Variants in IFNA16 observed in about 807,000 individuals in gnomAD.
The protein encoded by IFNA16 is interferon alpha 16, also known as interferon alpha-16.
For missense variants in IFNA16, 332 were observed against 213.5 expected (o/e 1.55, Z -3.46); for synonymous variants, 122 against 83.3 (o/e 1.46, Z -2.53).
In IFNA16 at chr9:21,216,655, G is replaced by T. The variant is rs1818456234; in HGVS notation, c.*81C>A. The T allele has an allele frequency of 4.5e-6, 7 of 1,547,802 alleles. No individual in the cohort carries two copies. Among genetic ancestry groups the T allele is most frequent in the Non-Finnish European group, 5.2e-6 (6 of 1,146,874 alleles). ...TTCAACTTGTGGTGGTTATAGAAGTGAGTCTTTGAAATGGAAGAACTCATG... is the reference window on the plus strand; with the variant it reads ...TTCAACTTGTGGTGGTTATAGAAGTTAGTCTTTGAAATGGAAGAACTCATG... On this transcript the variant is annotated 3_prime_UTR_variant, in exon 1 of 1. Coordinates refer to ENST00000380216, the MANE Select transcript of IFNA16 (RefSeq NM_002173.3).
rs562288583 is a variant in IFNA16, at chr9:21,217,260, A to T, written c.46T>A (p.Tyr16Asn). ...CAGCCCAGAGAACAGATGGATTTGT[A>T]GCTGAGCACCAGCACGGCCATCAGT... Reference protein sequence around the residue: ...SLLMAVLVLSYKSICSLGCDL... With the variant: ...SLLMAVLVLSNKSICSLGCDL... Residue 16 changes from tyrosine (Y) to asparagine (N), a missense_variant, in exon 1 of 1, where the codon TAC becomes AAC. Physicochemically the swap from Tyr to Asn is moderately radical, Grantham distance 143. Coordinates refer to ENST00000380216, the MANE Select transcript of IFNA16 (RefSeq NM_002173.3). 2.7e-4 allele frequency: 433 copies of T among 1,613,894 alleles called. 2 individuals are homozygous for T. In the South Asian group the frequency reaches 3.0e-3, roughly 11 times the overall value.
chr9:21,216,733 T>A lies in IFNA16; in HGVS notation c.*3A>T, dbSNP rs777294878. The A allele has an allele frequency of 1.4e-5, 23 of 1,612,602 alleles. No homozygotes were observed. The highest frequency in any genetic ancestry group is 1.8e-5 in the Non-Finnish European group (21 of 1,179,478). On this transcript the variant is annotated 3_prime_UTR_variant, in exon 1 of 1. Coordinates refer to ENST00000380216, the MANE Select transcript of IFNA16 (RefSeq NM_002173.3). Reference sequence around the variant, plus strand: ...GAGGATCATTTCCATGTTGAATGAGTTTTCAATCCTTCCTTCTTAATCCTT... The same window carrying A: ...GAGGATCATTTCCATGTTGAATGAGATTTCAATCCTTCCTTCTTAATCCTT...
rs1010784467 is a variant in IFNA16, at chr9:21,216,878, A to C, written c.428T>G (p.Val143Gly). ...AGTGATTCTTTGAAAGTATTTCCTCACAGCCAGGATGGAGTCCTCATTCAT... is the reference window on the plus strand; with the variant it reads ...AGTGATTCTTTGAAAGTATTTCCTCCCAGCCAGGATGGAGTCCTCATTCAT... ...ALMNEDSILA[V>G]RKYFQRITLY... is the part of the protein sequence containing the mutation. The change falls in exon 1 of 1, where the codon GTG becomes GGG. Residue 143 changes from valine (V) to glycine (G), a missense_variant. Coordinates refer to ENST00000380216, the MANE Select transcript of IFNA16 (RefSeq NM_002173.3). 6.2e-7 allele frequency: 1 copy of C among 1,613,906 alleles called. No individual in the cohort carries two copies. The highest frequency in any genetic ancestry group is 1.3e-5 in the African/African-American group (1 of 74,898).
Position 21,217,125 on chromosome 9 carries a change from A to T in IFNA16, c.181T>A (p.Phe61Ile). 1.2e-6 allele frequency: 2 copies of T among 1,614,042 alleles called. No homozygotes were observed. The highest frequency in any genetic ancestry group is 2.2e-5 in the East Asian group (1 of 44,856). Residue 61 changes from phenylalanine (F) to isoleucine (I), a missense_variant, in exon 1 of 1, where the codon TTC becomes ATC. Transcript: ENST00000380216. ...TTGCCATCAAACACCTCCTGGGGGAATCCGAAATCATATCTGTCCTTCAGG... is the reference window on the plus strand; with the variant it reads ...TTGCCATCAAACACCTCCTGGGGGATTCCGAAATCATATCTGTCCTTCAGG... ...SCLKDRYDFGFPQEVFDGNQF... is the reference protein window; with the variant it reads ...SCLKDRYDFGIPQEVFDGNQF...
chr9:21,216,667 T>C lies in IFNA16; in HGVS notation c.*69A>G, dbSNP rs1818456470. 1 of 1,565,076 alleles carries C rather than the reference T, an allele frequency of 6.4e-7. No homozygotes were observed. The highest frequency in any genetic ancestry group is 2.0e-5 in the Admixed American group (1 of 48,824). ...TGGTTATAGAAGTGAGTCTTTGAAA[T>C]GGAAGAACTCATGAAAGTGTGAGAT... On this transcript the variant is annotated 3_prime_UTR_variant, in exon 1 of 1. Transcript: ENST00000380216.
rs995735386 is a variant in IFNA16, at chr9:21,217,128, C to T, written c.178G>A (p.Gly60Arg). Reference protein sequence around the residue: ...FSCLKDRYDFGFPQEVFDGNQ... With the variant: ...FSCLKDRYDFRFPQEVFDGNQ... ...CCATCAAACACCTCCTGGGGGAATC[C>T]GAAATCATATCTGTCCTTCAGGCAG... The change falls in exon 1 of 1, where the codon GGA (glycine) becomes AGA (arginine). Residue 60 changes from glycine (G) to arginine (R), a missense_variant. Transcript: ENST00000380216. 3.1e-6 allele frequency: 5 copies of T among 1,613,858 alleles called. No individual in the cohort carries two copies. In the African/African-American group the frequency reaches 5.3e-5, roughly 17 times the overall value.
Position 21,217,099 on chromosome 9 carries a change from G to A in IFNA16, c.207C>T (p.Asn69=), listed in dbSNP as rs1459759237. Residue 69 remains asparagine (N), a synonymous_variant, in exon 1 of 1, where the codon AAC becomes AAT. Transcript: ENST00000380216. ...FGFPQEVFDG[N]QFQKAQAISA... The stretch of plus-strand genomic sequence containing the variant: ...AGATGGCTTGAGCCTTCTGGAACTG[G>A]TTGCCATCAAACACCTCCTGGGGGA... 6.2e-7 allele frequency: 1 copy of A among 1,613,954 alleles called. No individual in the cohort carries two copies.
chr9:21,217,239 C>A lies in IFNA16; in HGVS notation c.67G>T (p.Gly23Cys). The A allele has an allele frequency of 6.2e-7, 1 of 1,613,832 alleles. No homozygotes were observed. The highest frequency in any genetic ancestry group is 1.1e-5 in the South Asian group (1 of 91,062). The change falls in exon 1 of 1, where the codon GGC (glycine) becomes TGC (cysteine). Residue 23 changes from glycine (G) to cysteine (C), a missense_variant. Gly to Cys is a radical substitution (Grantham distance 159). Coordinates refer to ENST00000380216, the MANE Select transcript of IFNA16 (RefSeq NM_002173.3). ...CTGTGAGTCTGAGGCAGATCACAGCCCAGAGAACAGATGGATTTGTAGCTG... is the reference window on the plus strand; with the variant it reads ...CTGTGAGTCTGAGGCAGATCACAGCACAGAGAACAGATGGATTTGTAGCTG... ...VLSYKSICSL[G>C]CDLPQTHSLG... is the part of the protein sequence containing the mutation.
rs778589360 is a variant in IFNA16 at position 21,217,236 on chromosome 9, A to T, written c.70T>A (p.Cys24Ser). The change falls in exon 1 of 1, where the codon TGT becomes AGT. Residue 24 changes from cysteine to serine, a missense_variant. Coordinates refer to ENST00000380216, the MANE Select transcript of IFNA16 (RefSeq NM_002173.3). ...LSYKSICSLG[C>S]DLPQTHSLGN... ...AGGCTGTGAGTCTGAGGCAGATCAC[A>T]GCCCAGAGAACAGATGGATTTGTAG... 14 of 1,613,942 alleles carry T rather than the reference A, an allele frequency of 8.7e-6. No homozygotes were observed. Among genetic ancestry groups the T allele is most frequent in the Admixed American group, 6.7e-5 (4 of 59,984 alleles).
chr9:21,216,672 G>T lies in IFNA16; in HGVS notation c.*64C>A. On this transcript the variant is annotated 3_prime_UTR_variant, in exon 1 of 1. Transcript: ENST00000380216. ...ATAGAAGTGAGTCTTTGAAATGGAA[G>T]AACTCATGAAAGTGTGAGATGATGT... is the stretch of plus-strand genomic sequence containing the variant. 1 of 1,569,052 alleles carries T rather than the reference G, an allele frequency of 6.4e-7. No homozygotes were observed. The highest frequency in any genetic ancestry group is 8.6e-7 in the Non-Finnish European group (1 of 1,160,070).
rs1234058992 is a variant in IFNA16, at chr9:21,217,134, C to A, written c.172G>T (p.Asp58Tyr). The A allele has an allele frequency of 6.2e-7, 1 of 1,613,936 alleles. No individual in the cohort carries two copies. Among genetic ancestry groups the A allele is most frequent in the African/African-American group, 1.3e-5 (1 of 74,916 alleles). Residue 58 changes from aspartate (D) to tyrosine (Y), a missense_variant, in exon 1 of 1, where the codon GAT (aspartate) becomes TAT (tyrosine). Asp to Tyr is a radical substitution (Grantham distance 160). Coordinates refer to ENST00000380216, the MANE Select transcript of IFNA16 (RefSeq NM_002173.3). ...AACACCTCCTGGGGGAATCCGAAAT[C>A]ATATCTGTCCTTCAGGCAGGAGAAA... ...SHFSCLKDRY[D>Y]FGFPQEVFDG...
Position 21,216,776 on chromosome 9 carries a change from A to G in IFNA16, c.530T>C (p.Phe177Ser), listed in dbSNP as rs760783325. The G allele has an allele frequency of 6.2e-7, 1 of 1,613,674 alleles. No homozygotes were observed. Among genetic ancestry groups the G allele is most frequent in the South Asian group, 1.1e-5 (1 of 90,920 alleles). Residue 177 changes from phenylalanine to serine, a missense_variant, in exon 1 of 1, where the codon TTT (phenylalanine) becomes TCT (serine). Physicochemically the swap from Phe to Ser is radical, Grantham distance 155 (BLOSUM62 -2). Coordinates refer to ENST00000380216, the MANE Select transcript of IFNA16 (RefSeq NM_002173.3). ...TAATCCTTTTTGCAAGTTTGTTGAA[A>G]AAGAGAAGGATCTCATGATTTCTGC... ...VRAEIMRSFS[F>S]STNLQKGLRR...
In IFNA16 at chr9:21,216,590, G is replaced by A. The variant is rs1009193120; in HGVS notation, c.*146C>T. ...GACTAGTGCCTGCACAGGTAAACAC[G>A]ATGCTTCTTTACACTCCTGAAAACA... On this transcript the variant is annotated 3_prime_UTR_variant, in exon 1 of 1. Coordinates refer to ENST00000380216, the MANE Select transcript of IFNA16 (RefSeq NM_002173.3). 9.2e-6 allele frequency: 11 copies of A among 1,190,300 alleles called. No homozygotes were observed. In the Admixed American group the frequency reaches 1.1e-4, roughly 12 times the overall value. The allele number at this position is 1,190,300 out of a possible 1,614,324, so 73.7% of individuals were successfully genotyped here. A position where few individuals can be genotyped will look rare whatever the true frequency, so the allele number is the denominator to read the frequency against.
rs1818456278 is a variant in IFNA16 at position 21,216,656 on chromosome 9, A to T, written c.*80T>A. On this transcript the variant is annotated 3_prime_UTR_variant, in exon 1 of 1. Transcript: ENST00000380216. Reference sequence around the variant, plus strand: ...TCAACTTGTGGTGGTTATAGAAGTGAGTCTTTGAAATGGAAGAACTCATGA... The same window carrying T: ...TCAACTTGTGGTGGTTATAGAAGTGTGTCTTTGAAATGGAAGAACTCATGA... 6.5e-6 allele frequency: 10 copies of T among 1,549,246 alleles called. No individual in the cohort carries two copies. The highest frequency in any genetic ancestry group is 8.7e-6 in the Non-Finnish European group (10 of 1,147,864).
rs1232763647 is a variant in IFNA16 at position 21,216,608 on chromosome 9, T to G, written c.*128A>C. On this transcript the variant is annotated 3_prime_UTR_variant, in exon 1 of 1. Coordinates refer to ENST00000380216, the MANE Select transcript of IFNA16 (RefSeq NM_002173.3). Reference sequence around the variant, plus strand: ...TAAACACGATGCTTCTTTACACTCCTGAAAACATTTGAAAATTTTGATTCA... The same window carrying G: ...TAAACACGATGCTTCTTTACACTCCGGAAAACATTTGAAAATTTTGATTCA... 7 of 1,386,232 alleles carry G rather than the reference T, an allele frequency of 5.0e-6. No homozygotes were observed. The African/African-American group carries it at 8.7e-5, about 17-fold the overall frequency. 85.9% of individuals were successfully genotyped at this position (1,386,232 alleles called of 1,614,324 possible).
chr9:21,216,823 A>T lies in IFNA16; in HGVS notation c.483T>A (p.Pro161=). The change falls in exon 1 of 1, where the codon CCT becomes CCA. Residue 161 remains proline (P), a synonymous_variant. Transcript: ENST00000380216. ...TLYLMGKKYS[P]CAWEVVRAEI... ...CTGCTCTGACAACCTCCCAGGCACA[A>T]GGGCTGTATTTCTTCCCCATCAGAT... 6.2e-6 allele frequency: 10 copies of T among 1,613,986 alleles called. No individual in the cohort carries two copies. Among genetic ancestry groups the T allele is most frequent in the Non-Finnish European group, 8.5e-6 (10 of 1,179,928 alleles).
In IFNA16 at chr9:21,216,777, A is replaced by G; in HGVS notation, c.529T>C (p.Phe177Leu). The G allele has an allele frequency of 1.2e-6, 2 of 1,613,666 alleles. No homozygotes were observed. The highest frequency in any genetic ancestry group is 1.7e-6 in the Non-Finnish European group (2 of 1,179,846). Residue 177 changes from phenylalanine (F) to leucine (L), a missense_variant, in exon 1 of 1, where the codon TTT becomes CTT. Physicochemically the swap from Phe to Leu is conservative, Grantham distance 22. Transcript: ENST00000380216. ...VRAEIMRSFSFSTNLQKGLRR... is the reference protein window; with the variant it reads ...VRAEIMRSFSLSTNLQKGLRR... ...AATCCTTTTTGCAAGTTTGTTGAAA[A>G]AGAGAAGGATCTCATGATTTCTGCT...
chr9:21,217,168 T>A lies in IFNA16; in HGVS notation c.138A>T (p.Arg46Ser), dbSNP rs1355429189. ...CCTTCAGGCAGGAGAAATGAGAGAT[T>A]CTTCCCATTTGTGCCAGGAGTATCA... The part of the protein sequence containing the change: ...RALILLAQMG[R>S]ISHFSCLKDR... The change falls in exon 1 of 1, where the codon AGA becomes AGT. Residue 46 changes from arginine (R) to serine (S), a missense_variant. Coordinates refer to ENST00000380216, the MANE Select transcript of IFNA16 (RefSeq NM_002173.3). 1 of 1,614,032 alleles carries A rather than the reference T, an allele frequency of 6.2e-7. No homozygotes were observed. Among genetic ancestry groups the A allele is most frequent in the East Asian group, 2.2e-5 (1 of 44,862 alleles).
chr9:21,217,083 G>A, the IFNA16 span: 5 of 1,613,826 alleles, frequency 3.1e-6, no homozygotes, highest in African/African-American at 2.7e-5. Context: ...GAGATGGCTT[G>A]AGCCTTCTGG....
Sources: allele counts gnomAD v4.1 joint callset, GRCh38; gene constraint gnomAD v4.1.1; transcripts MANE v1.5; gene names NCBI Gene and HGNC (gene_info 2026-07-23, HGNC 2026-07-21).